The following CRB1 variants were observed in gnomAD, a reference collection of about 807,000 sequenced individuals.
The protein encoded by CRB1 is protein crumbs homolog 1.
Under a neutral mutation model 120.0 loss-of-function variants are expected in CRB1, and 83 were observed. The observed-to-expected ratio is 0.69, with a 90% CI of 0.58 to 0.83. The LOEUF is 0.83. Among genes scored for constraint, CRB1 ranks in the 40% least tolerant of loss-of-function variants. The probability of loss-of-function intolerance (pLI) is 0.00; values close to 1 mark genes in which losing one functional copy is unlikely to be tolerated. For synonymous variants in CRB1, 625 were observed against 612.5 expected (o/e 1.02, Z -0.30); for missense variants, 1,699 against 1,687.6 (o/e 1.01, Z -0.12).
chr1:197,344,249 T>C, intron 2 of CRB1, 32 bp from the exon 3 acceptor site: 13 of 1,607,140 alleles, frequency 8.1e-6, no homozygotes, highest in Non-Finnish European at 1.1e-5. Context: ...CTAAAACTTT[T>C]TCTGTTTTTT....
At chr1:197,213,239 T>C in the CRB1 span, among the ~76,000 whole-genome samples, 1 of 152,210 alleles carries the variant, frequency 6.6e-6, no homozygotes, top group African/African-American at 2.4e-5. Flanking sequence ...CTGAGAATGA[T>C]ACAACAAAAT....
At chr1:197,390,121 T>C (rs1662421225) in intron 5 of CRB1, among the ~76,000 whole-genome samples, 1 of 149,198 alleles carries the variant, frequency 6.7e-6, no homozygotes, top group African/African-American at 2.5e-5. Context: ...AGAGATAATG[T>C]TAGCTTCTGC....
At chr1:197,296,683 T>A (rs1656541068) in intron 1 of CRB1, among the ~76,000 whole-genome samples, 1 of 152,068 alleles carries the variant, frequency 6.6e-6, no homozygotes, top group Non-Finnish European at 1.5e-5. Context: ...TCATCTTGAA[T>A]TGTAGCTCCG....
intron 11 of CRB1, among the ~76,000 whole-genome samples, chr1:197,472,303 T>C (rs1329174189): frequency 6.6e-6 from 1 of 152,194 alleles, no homozygotes. Flanking sequence ...CAGTGTGGTG[T>C]TTTCCAGGAG....
At chr1:197,219,450 A>G in the CRB1 span, among the ~76,000 whole-genome samples, 1 of 152,210 alleles carries the variant, frequency 6.6e-6, no homozygotes, top group Non-Finnish European at 1.5e-5. Context: ...GGATTAAAAG[A>G]GACAATCCAT....
At chr1:197,351,187 CAAAA>C (rs780090689) in intron 4 of CRB1, among the ~76,000 whole-genome samples, 1 of 85,386 alleles carries the variant, frequency 1.2e-5, no homozygotes, top group Non-Finnish European at 2.2e-5. Flanking sequence ...ACTAAAAATA[CAAAA>C]AAAAAAAAAA....
At chr1:197,233,014 TG>T in the CRB1 span, among the ~76,000 whole-genome samples, 1 of 151,876 alleles carries the variant, frequency 6.6e-6, no homozygotes, top group East Asian at 1.9e-4. Context: ...ATCGTTTAAA[TG>T]GGCATACTTG....
intron 1 of CRB1, among the ~76,000 whole-genome samples, chr1:197,269,283 G>A (rs571884777): frequency 4.8e-4 from 73 of 152,300 alleles, no homozygotes; most frequent in African/African-American, 1.4e-3. Flanking sequence ...AGCAGCTGCC[G>A]TTGAACAAGA....
upstream of CRB1, among the ~76,000 whole-genome samples, chr1:197,265,661 A>G (rs1053897044): frequency 1.3e-5 from 2 of 152,192 alleles, no homozygotes; most frequent in African/African-American, 2.4e-5. Flanking sequence ...ATGAATGACA[A>G]TAATAGCCCA....
chr1:197,450,973 A>G (rs1438952584), intron 11 of CRB1, among the ~76,000 whole-genome samples: 3 of 150,310 alleles, frequency 2.0e-5, no homozygotes, highest in Non-Finnish European at 3.0e-5. Flanking sequence ...AAAAAAAAAA[A>G]AAAAAAAAGA....
intron 1 of CRB1, among the ~76,000 whole-genome samples, chr1:197,308,432 A>T (rs1482773110): frequency 6.6e-6 from 1 of 152,224 alleles, no homozygotes; most frequent in East Asian, 1.9e-4. Context: ...AAGTTAAAAA[A>T]CAAAACCTCT....
chr1:197,461,344 G>A (rs1346686214), intron 11 of CRB1, among the ~76,000 whole-genome samples: 1 of 152,088 alleles, frequency 6.6e-6, no homozygotes, highest in Non-Finnish European at 1.5e-5. Context: ...CATGGCTGGG[G>A]AGGACAGGCC....
intron 11 of CRB1, among the ~76,000 whole-genome samples, chr1:197,474,972 T>A (rs1162465753): frequency 6.6e-6 from 1 of 152,146 alleles, no homozygotes; most frequent in African/African-American, 2.4e-5. Flanking sequence ...CAGGCCAGAG[T>A]TATCTTTATT....
At chr1:197,359,071 A>G (rs551479755) in intron 5 of CRB1, among the ~76,000 whole-genome samples, 1 of 152,280 alleles carries the variant, frequency 6.6e-6, no homozygotes, top group South Asian at 2.1e-4. Context: ...ATTTATGTGC[A>G]GTTTTAAGAA....
intron 11 of CRB1, among the ~76,000 whole-genome samples, chr1:197,461,770 A>G (rs975683245): frequency 7.9e-5 from 12 of 152,162 alleles, no homozygotes; most frequent in Non-Finnish European, 1.2e-4. Context: ...CAAACAATCC[A>G]AGTCGCACCT....
intron 5 of CRB1, among the ~76,000 whole-genome samples, chr1:197,404,096 C>T (rs1206322618): frequency 6.6e-6 from 1 of 152,080 alleles, no homozygotes; most frequent in African/African-American, 2.4e-5. Flanking sequence ...GTTGCTTTTG[C>T]CTTGTTTTGT....
At chr1:197,428,920 T>C in intron 7 of CRB1, 1 of 1,505,362 alleles carries the variant, frequency 6.6e-7, no homozygotes, top group South Asian at 1.2e-5. Flanking sequence ...TTTGAATACT[T>C]TTTGTGAGCA....
At chr1:197,464,013 C>T (rs1035805411) in intron 11 of CRB1, among the ~76,000 whole-genome samples, 2 of 152,140 alleles carry the variant, frequency 1.3e-5, no homozygotes, top group Non-Finnish European at 2.9e-5. Context: ...TAATAGAAGA[C>T]CAACTTCTAA....
At chr1:197,361,007 G>T (rs888543026) in intron 5 of CRB1, among the ~76,000 whole-genome samples, 5 of 152,166 alleles carry the variant, frequency 3.3e-5, no homozygotes, top group African/African-American at 1.2e-4. Flanking sequence ...TTCTGCAATT[G>T]ATTTATCATG....
Sources: gnomAD v4.1 joint callset for allele counts (sites outside exome capture counted in the v4.1 genomes callset) on GRCh38, gnomAD v4.1.1 for gene constraint, MANE v1.5 for transcripts, NCBI Gene and HGNC (gene_info 2026-07-23, HGNC 2026-07-21) for gene names.